MSI2: variants seen among roughly 807,000 people sequenced by gnomAD.
The protein encoded by MSI2 is musashi RNA binding protein 2, also known as RNA-binding protein Musashi homolog 2.
Under a neutral mutation model 45.6 loss-of-function variants are expected in MSI2, and 17 were observed. The ratio of observed to expected loss-of-function variants is 0.37; its 90% confidence interval spans 0.26 to 0.56. The LOEUF (loss-of-function observed/expected upper bound fraction) is 0.56, where lower values mean the gene tolerates loss of function less well. Ranked by LOEUF, MSI2 falls within the 20% of genes least tolerant of loss-of-function variation. MSI2 has a pLI of 0.77. For synonymous variants in MSI2, 156 were observed against 158.2 expected (o/e 0.99, Z 0.11); for missense variants, 293 against 444.2 (o/e 0.66, Z 3.06).
At chr17:57,603,055 CA>C (rs1906088094) in intron 8 of MSI2, among the ~76,000 whole-genome samples, 1 of 152,218 alleles carries the variant, frequency 6.6e-6, no homozygotes, top group African/African-American at 2.4e-5. Flanking sequence ...GGAGCCAGGC[CA>C]AATGGGGCCA....
intron 6 of MSI2, among the ~76,000 whole-genome samples, chr17:57,527,972 G>A (rs1337949506): frequency 3.3e-5 from 5 of 152,188 alleles, no homozygotes; most frequent in African/African-American, 1.2e-4. Flanking sequence ...TTTTCTCAAA[G>A]GGATTAGCGC....
chr17:57,686,549 T>G (rs1202144300), downstream of MSI2, among the ~76,000 whole-genome samples: 3 of 152,098 alleles, frequency 2.0e-5, no homozygotes, highest in African/African-American at 7.2e-5. Context: ...TGAAAATGGC[T>G]AACAATAAAG....
At chr17:57,290,267 C>T (rs1029961199) in intron 5 of MSI2, among the ~76,000 whole-genome samples, 5 of 152,074 alleles carry the variant, frequency 3.3e-5, no homozygotes, top group African/African-American at 1.2e-4. Flanking sequence ...AGGAAGTCAT[C>T]CTTAATTATA....
At chr17:57,558,563 T>A (rs142643408) in intron 7 of MSI2, among the ~76,000 whole-genome samples, 1 of 152,154 alleles carries the variant, frequency 6.6e-6, no homozygotes, top group African/African-American at 2.4e-5. Flanking sequence ...ACATCCCTCC[T>A]GGTGGCACAA....
At chr17:57,641,510 T>C (rs979224914) in intron 10 of MSI2, among the ~76,000 whole-genome samples, 4 of 152,188 alleles carry the variant, frequency 2.6e-5, no homozygotes, top group Non-Finnish European at 5.9e-5. Context: ...GTGACTCTTC[T>C]GGCAGTTGGG....
intron 6 of MSI2, among the ~76,000 whole-genome samples, chr17:57,504,532 G>C (rs1157290309): frequency 6.6e-6 from 1 of 152,186 alleles, no homozygotes; most frequent in African/African-American, 2.4e-5. Flanking sequence ...GGTTTTCAGT[G>C]ATCCTTCAGG....
chr17:57,285,874 A>G (rs1190326021), intron 5 of MSI2: 6 of 1,521,034 alleles, frequency 3.9e-6, no homozygotes, highest in Non-Finnish European at 4.4e-6. Context: ...TTTTCCGAAC[A>G]GGTGTTTAGA....
intron 7 of MSI2, among the ~76,000 whole-genome samples, chr17:57,531,471 T>C (rs2086821085): frequency 6.6e-6 from 1 of 152,212 alleles, no homozygotes; most frequent in Non-Finnish European, 1.5e-5. Context: ...CTCAGGACTA[T>C]TGATTTCAAA....
chr17:57,485,996 G>A (rs1395664076), intron 6 of MSI2, among the ~76,000 whole-genome samples: 1 of 152,230 alleles, frequency 6.6e-6, no homozygotes, highest in Non-Finnish European at 1.5e-5. Context: ...AAAGCCGTTA[G>A]GGTACTGCAG....
At chr17:57,358,169 A>C (rs1916566665) in intron 5 of MSI2, among the ~76,000 whole-genome samples, 1 of 149,530 alleles carries the variant, frequency 6.7e-6, no homozygotes, top group African/African-American at 2.5e-5. Flanking sequence ...GGAAGAAGAG[A>C]AAGATCTTCG....
chr17:57,422,519 C>G (rs1006954630), intron 6 of MSI2, among the ~76,000 whole-genome samples: 10 of 152,184 alleles, frequency 6.6e-5, no homozygotes, highest in Admixed American at 6.5e-4. Flanking sequence ...ATTCTTTTGT[C>G]TTGTCACAGG....
At chr17:57,257,292 G>C (rs914172362) in intron 2 of MSI2, among the ~76,000 whole-genome samples, 154 bp downstream of exon 2, 2 of 137,952 alleles carry the variant, frequency 1.4e-5, no homozygotes, top group Admixed American at 8.2e-5. Context: ...TCCTTTCTGA[G>C]CCCTCTATGC....
chr17:57,540,709 A>G (rs2087024924), intron 7 of MSI2, among the ~76,000 whole-genome samples: 1 of 152,224 alleles, frequency 6.6e-6, no homozygotes, highest in Non-Finnish European at 1.5e-5. Context: ...TGACCACACC[A>G]GAAGCTAAGA....
chr17:57,675,265 G>A lies in MSI2; in HGVS notation c.945+139G>A, dbSNP rs983528877. 54 of 830,472 alleles carry A rather than the reference G, an allele frequency of 6.5e-5. No homozygotes were observed. In the African/African-American group the frequency reaches 8.2e-4, roughly 13 times the overall value. 51.4% of individuals were successfully genotyped at this position (830,472 alleles called of 1,614,324 possible). A position where few individuals can be genotyped will look rare whatever the true frequency, so the allele number is the denominator to read the frequency against. On this transcript the variant is annotated intron_variant, in intron 12 of 13. Transcript: ENST00000284073. ...CCCCATCAACATCACACCAGCTCCT[G>A]AGGGCTGAAGCCTCCGTCGTCTTAG...
In MSI2 at chr17:57,449,022, T is replaced by C. The variant is rs543426362; in HGVS notation, c.405+47551T>C. 2.0e-5 allele frequency: 3 copies of C among 152,398 alleles called. 1 individual carries two copies. In the South Asian group the frequency reaches 6.2e-4, roughly 32 times the overall value. 9.4% of individuals were successfully genotyped at this position (152,398 alleles called of 1,614,324 possible). ...ATATTCTTTGTTATCATGAGCGGCA[T>C]CATGATTGTGTTGTTGGCTGAAAGC... On this transcript the variant is annotated intron_variant, in intron 6 of 13. Transcript: ENST00000284073.
At chr17:57,333,441 G>T (rs9909613) in intron 5 of MSI2, among the ~76,000 whole-genome samples, 43,122 of 141,270 alleles carry the variant, frequency 0.31, 9,379 homozygotes, top group African/African-American at 0.65. Context: ...GATTTGTACC[G>T]TTTTTTTTTT....
intron 6 of MSI2, among the ~76,000 whole-genome samples, chr17:57,459,823 A>G (rs2085188869): frequency 6.6e-6 from 1 of 151,570 alleles, no homozygotes; most frequent in African/African-American, 2.4e-5. Flanking sequence ...GCAAGACTTC[A>G]TCTCTACAAA....
rs397856811 is a variant in MSI2, at chr17:57,682,317, TCCCCCC to T, written c.*2807_*2812del. On this transcript the variant is annotated 3_prime_UTR_variant, in exon 14 of 14. Coordinates refer to ENST00000284073, the MANE Select transcript of MSI2 (RefSeq NM_138962.4). ...GGCGGACTCTACGGCGTTTTGTAGA[TCCCCCC>T]CCCCCCACCCACTGTGAAGGGGTGC... The T allele has an allele frequency of 2.5e-5, 3 of 120,058 alleles. No individual in the cohort carries two copies. The highest frequency in any genetic ancestry group is 4.9e-5 in the Non-Finnish European group (3 of 60,806). The allele number at this position is 120,058 out of a possible 1,614,324, so 7.4% of individuals were successfully genotyped here.
intron 6 of MSI2, among the ~76,000 whole-genome samples, chr17:57,443,273 C>T (rs772066456): frequency 6.6e-5 from 10 of 152,198 alleles, no homozygotes; most frequent in Non-Finnish European, 1.0e-4. Context: ...TGGCTCTTCT[C>T]GTTCTCCAAC....
Sources: allele counts gnomAD v4.1 joint callset (sites outside exome capture counted in the v4.1 genomes callset), GRCh38; gene constraint gnomAD v4.1.1; transcripts MANE v1.5; gene names NCBI Gene and HGNC (gene_info 2026-07-23, HGNC 2026-07-21).